NCAM1: variants seen among roughly 807,000 people sequenced by gnomAD.
NCAM1 encodes antigen recognized by monoclonal antibody 5.1H11.
In NCAM1, 14 loss-of-function variants were observed where a neutral mutation model predicts 109.8. The ratio of observed to expected loss-of-function variants is 0.13; its 90% CI spans 0.08 to 0.20. NCAM1 has a LOEUF of 0.20. Among genes scored for constraint, NCAM1 ranks in the 10% least tolerant of loss-of-function variants. The pLI is 1.00. For missense variants in NCAM1, 774 were observed against 1,109.9 expected, an observed-to-expected ratio of 0.70 and a Z score of 4.30; for synonymous variants, 418 against 442.9, an observed-to-expected ratio of 0.94 and a Z score of 0.70.
intron 1 of NCAM1, among the ~76,000 whole-genome samples, chr11:113,071,236 C>T (rs1938246561): frequency 6.6e-6 from 1 of 151,974 alleles, no homozygotes; most frequent in African/African-American, 2.4e-5. Context: ...TAGGAGTATC[C>T]AAATTTAAGA....
intron 1 of NCAM1, among the ~76,000 whole-genome samples, chr11:113,124,705 T>TAATAA (rs1176721145): frequency 1.3e-5 from 2 of 152,226 alleles, no homozygotes; most frequent in African/African-American, 4.8e-5. Context: ...CAATAAGGTA[T>TAATAA]AATACGTCAA....
intron 1 of NCAM1, among the ~76,000 whole-genome samples, chr11:113,061,002 T>C (rs1953894668): frequency 6.6e-6 from 1 of 152,106 alleles, no homozygotes; most frequent in Admixed American, 6.5e-5. Context: ...CTATGCTCTG[T>C]AACGAATCTC....
chr11:113,270,213 G>C lies in NCAM1; in HGVS notation c.2157G>C (p.Leu719=). The change falls in exon 18 of 20, where the codon CTG becomes CTC. Residue 719 remains leucine (L), a synonymous_variant. Coordinates refer to ENST00000316851, the MANE Select transcript of NCAM1 (RefSeq NM_181351.5). The part of the protein sequence containing the change: ...IPANGSPTSG[L]STGAIVGILI... ...CCAACGGCAGCCCCACCTCAGGCCT[G>C]AGCACCGGGGCCATCGTGGGCATCC... 1 of 1,613,972 alleles carries C rather than the reference G, an allele frequency of 6.2e-7. No individual in the cohort carries two copies. Among genetic ancestry groups the C allele is most frequent in the African/African-American group, 1.3e-5 (1 of 75,052 alleles).
At chr11:113,073,239 A>T (rs4306316) in intron 1 of NCAM1, among the ~76,000 whole-genome samples, 34,069 of 151,798 alleles carry the variant, frequency 0.22, 4,088 homozygotes, top group East Asian at 0.47. Context: ...TCTTGCCTTT[A>T]TTTTATACTA....
chr11:112,991,716 A>C (rs1315433424), intron 1 of NCAM1, among the ~76,000 whole-genome samples: 1 of 152,172 alleles, frequency 6.6e-6, no homozygotes, highest in Non-Finnish European at 1.5e-5. Flanking sequence ...TGTATTTTTT[A>C]TTTATTGAAG....
At chr11:112,982,401 TG>T (rs1421370562) in intron 1 of NCAM1, among the ~76,000 whole-genome samples, 1 of 151,830 alleles carries the variant, frequency 6.6e-6, no homozygotes, top group Non-Finnish European at 1.5e-5. Flanking sequence ...GCTCATCAGA[TG>T]GGGAAGTAAG....
At chr11:112,981,697 G>C (rs1351632096) in intron 1 of NCAM1, among the ~76,000 whole-genome samples, 3 of 151,868 alleles carry the variant, frequency 2.0e-5, no homozygotes, top group Non-Finnish European at 4.4e-5. Context: ...CAATCACTTA[G>C]AGTAGGCATG....
chr11:113,005,368 G>C (rs1951866775), intron 1 of NCAM1, among the ~76,000 whole-genome samples: 1 of 152,186 alleles, frequency 6.6e-6, no homozygotes, highest in African/African-American at 2.4e-5. Context: ...GGTTATGGGT[G>C]ACCAGCTAGA....
At position 113,067,682 on chromosome 11, in the gene NCAM1, G is replaced by A. The variant is rs187485106; in HGVS notation, c.52+106018G>A. 3.3e-3 allele frequency among the ~76,000 whole-genome samples: 509 copies of A among 152,250 alleles called. 1 individual carries two copies. Among genetic ancestry groups the A allele is most frequent in the African/African-American group, 0.012 (487 of 41,550 alleles). Reference sequence around the variant, plus strand: ...GCTTTCTCTTTCCTAGCCTCAGTGGGTTCATAATCCCTTTAGTTATCATCT... The same window carrying A: ...GCTTTCTCTTTCCTAGCCTCAGTGGATTCATAATCCCTTTAGTTATCATCT... On this transcript the variant is annotated intron_variant, in intron 1 of 19. Transcript: ENST00000316851.
At chr11:113,116,450 A>G (rs1200589464) in intron 1 of NCAM1, among the ~76,000 whole-genome samples, 1 of 152,246 alleles carries the variant, frequency 6.6e-6, no homozygotes, top group Non-Finnish European at 1.5e-5. Flanking sequence ...ACAGCCCAAC[A>G]GACCTGGTGG....
rs368711968 is a variant in NCAM1 at position 113,232,688 on chromosome 11, T to C, written c.1426-30T>C. On this transcript the variant is annotated intron_variant, in intron 11 of 19. Coordinates refer to ENST00000316851, the MANE Select transcript of NCAM1 (RefSeq NM_181351.5). Reference sequence around the variant, plus strand: ...AGTCTGTGACCATCCCATAGGACACTTGTAACCCAATAGCTTCTTCCTTCT... The same window carrying C: ...AGTCTGTGACCATCCCATAGGACACCTGTAACCCAATAGCTTCTTCCTTCT... 24 of 1,555,164 alleles carry C rather than the reference T, an allele frequency of 1.5e-5. No individual in the cohort carries two copies. The African/African-American group carries it at 2.9e-4, about 18-fold the overall frequency.
intron 5 of NCAM1, among the ~76,000 whole-genome samples, chr11:113,206,815 T>C (rs1189893846): frequency 3.3e-5 from 5 of 152,254 alleles, no homozygotes; most frequent in Non-Finnish European, 5.9e-5. Context: ...TGGCACTCTT[T>C]GTTATAGCTG....
At chr11:113,128,171 G>A (rs776564643) in intron 1 of NCAM1, among the ~76,000 whole-genome samples, 5 of 152,070 alleles carry the variant, frequency 3.3e-5, no homozygotes, top group Admixed American at 6.5e-5. Context: ...CATCTAATAC[G>A]CTCAGCATCG....
At chr11:113,163,614 G>A (rs184672049) in intron 1 of NCAM1, among the ~76,000 whole-genome samples, 1 of 152,304 alleles carries the variant, frequency 6.6e-6, no homozygotes, top group African/African-American at 2.4e-5. Context: ...TTGTCTCAGA[G>A]AGGCCAGTAG....
At chr11:113,146,229 ATATT>A (rs1942011825) in intron 1 of NCAM1, among the ~76,000 whole-genome samples, 1 of 152,220 alleles carries the variant, frequency 6.6e-6, no homozygotes, top group Admixed American at 6.5e-5. Context: ...AATTGATTTG[ATATT>A]TATTTCCTAG....
At chr11:112,996,915 G>A (rs537290485) in intron 1 of NCAM1, among the ~76,000 whole-genome samples, 1 of 152,284 alleles carries the variant, frequency 6.6e-6, no homozygotes, top group African/African-American at 2.4e-5. Flanking sequence ...AGACATTACT[G>A]GTAAGGGTAA....
At chr11:113,146,049 T>C (rs1942006149) in intron 1 of NCAM1, among the ~76,000 whole-genome samples, 1 of 152,226 alleles carries the variant, frequency 6.6e-6, no homozygotes, top group Non-Finnish European at 1.5e-5. Context: ...TGAAAATATT[T>C]GCTGTGAAAA....
chr11:113,021,735 A>G (rs1952390882), intron 1 of NCAM1, among the ~76,000 whole-genome samples: 1 of 152,238 alleles, frequency 6.6e-6, no homozygotes. Flanking sequence ...ACAAATTGTC[A>G]TTTTGCATGA....
At position 113,206,026 on chromosome 11, in the gene NCAM1, C is replaced by G; in HGVS notation, c.491-17C>G. 6.2e-7 allele frequency: 1 copy of G among 1,613,824 alleles called. No individual in the cohort carries two copies. The highest frequency in any genetic ancestry group is 8.5e-7 in the Non-Finnish European group (1 of 1,179,778). ...TCTGACTGATTCTTGGATGAACCTG[C>G]CTCTTATCTCTTCTAGTCCGATTCA... is the stretch of plus-strand genomic sequence containing the variant. On this transcript the variant is annotated splice_polypyrimidine_tract_variant and intron_variant, in intron 4 of 19. Transcript: ENST00000316851.
Sources: gnomAD v4.1 joint callset for allele counts (sites outside exome capture counted in the v4.1 genomes callset) on GRCh38, gnomAD v4.1.1 for gene constraint, MANE v1.5 for transcripts, NCBI Gene and HGNC (gene_info 2026-07-23, HGNC 2026-07-21) for gene names.